Variants in TTC27 observed in about 807,000 individuals in gnomAD.
TTC27 encodes the protein tetratricopeptide repeat protein 27.
A neutral mutation model predicts 115.9 loss-of-function variants in TTC27; 79 were observed. That is an observed-to-expected ratio of 0.68 (90% CI 0.57 to 0.82). TTC27 has a LOEUF of 0.82. Among genes scored for constraint, TTC27 ranks in the 40% least tolerant of loss-of-function variants. The pLI is 0.00. For synonymous variants in TTC27, 401 were observed against 356.0 expected, an observed-to-expected ratio of 1.13 and a Z score of -1.42; for missense variants, 1,054 against 993.1, an observed-to-expected ratio of 1.06 and a Z score of -0.82.
intron 16 of TTC27, among the ~76,000 whole-genome samples, chr2:32,790,277 T>TGTG (rs1553320217): frequency 6.6e-6 from 1 of 151,644 alleles, no homozygotes; most frequent in African/African-American, 2.4e-5. Flanking sequence ...TAAATTTTTT[T>TGTG]TTTGTGTGTG....
chr2:32,778,037 A>G (rs1369787906), intron 14 of TTC27, 57 bp downstream of exon 14: 1 of 1,542,188 alleles, frequency 6.5e-7, no homozygotes, highest in Non-Finnish European at 9.0e-7. Flanking sequence ...AGTTGTTGAA[A>G]TTGTACTGTA....
chr2:32,718,809 C>A (rs1394001244), intron 10 of TTC27, among the ~76,000 whole-genome samples: 2 of 152,202 alleles, frequency 1.3e-5, no homozygotes, highest in African/African-American at 4.8e-5. Flanking sequence ...TCTAAATCTT[C>A]CCCTAAGGCT....
intron 4 of TTC27, among the ~76,000 whole-genome samples, chr2:32,641,508 G>A (rs561553334): frequency 2.6e-5 from 4 of 152,290 alleles, no homozygotes; most frequent in South Asian, 2.1e-4. Flanking sequence ...TGGACTATAC[G>A]GAAACCAGTA....
intron 13 of TTC27, among the ~76,000 whole-genome samples, chr2:32,777,541 C>T (rs1670037460): frequency 1.3e-5 from 2 of 152,152 alleles, no homozygotes; most frequent in Non-Finnish European, 2.9e-5. Flanking sequence ...AGAGATGCAA[C>T]CATCCAGTTT....
chr2:32,755,197 C>T (rs2147989874), intron 12 of TTC27, among the ~76,000 whole-genome samples: 1 of 152,298 alleles, frequency 6.6e-6, no homozygotes, highest in African/African-American at 2.4e-5. Context: ...CGGGCAGAGG[C>T]TGCAATCTCG....
chr2:32,732,371 C>T (rs185408660), intron 10 of TTC27, among the ~76,000 whole-genome samples: 54 of 152,318 alleles, frequency 3.5e-4, no homozygotes, highest in African/African-American at 1.3e-3. Context: ...GGATTGTCAA[C>T]GAAGTGTTGT....
chr2:32,710,171 G>C (rs199613686), intron 10 of TTC27, among the ~76,000 whole-genome samples: 1 of 151,618 alleles, frequency 6.6e-6, no homozygotes, highest in Non-Finnish European at 1.5e-5. Context: ...ATGCACCACC[G>C]ACTTAATTTT....
At chr2:32,668,017 C>G (rs1036210999) in intron 7 of TTC27, among the ~76,000 whole-genome samples, 2 of 151,120 alleles carry the variant, frequency 1.3e-5, no homozygotes, top group East Asian at 4.0e-4. Flanking sequence ...AACCCCGTCT[C>G]TATTAAAAAT....
chr2:32,820,458 G>C (rs547804759), intron 19 of TTC27, among the ~76,000 whole-genome samples: 4 of 152,282 alleles, frequency 2.6e-5, no homozygotes, highest in East Asian at 1.9e-4. Context: ...TTTGAACATA[G>C]AATATATTTG....
At chr2:32,798,520 G>A (rs1670795993) in intron 16 of TTC27, among the ~76,000 whole-genome samples, 1 of 151,774 alleles carries the variant, frequency 6.6e-6, no homozygotes, top group Admixed American at 6.6e-5. Flanking sequence ...TGGCTAACAC[G>A]GTGAAGCCCT....
At chr2:32,671,687 T>C (rs750933955) in intron 7 of TTC27, among the ~76,000 whole-genome samples, 2 of 152,246 alleles carry the variant, frequency 1.3e-5, no homozygotes, top group Non-Finnish European at 2.9e-5. Flanking sequence ...CATTTCCATA[T>C]AAATTTTAGA....
At chr2:32,722,232 A>G (rs181445824) in intron 10 of TTC27, among the ~76,000 whole-genome samples, 1 of 152,330 alleles carries the variant, frequency 6.6e-6, no homozygotes, top group Admixed American at 6.5e-5. Flanking sequence ...AGATTTTCAC[A>G]TATCTGAGAT....
intron 5 of TTC27, among the ~76,000 whole-genome samples, chr2:32,660,479 C>T (rs966794642): frequency 1.3e-5 from 2 of 151,936 alleles, no homozygotes; most frequent in African/African-American, 2.4e-5. Flanking sequence ...CCATCATTCT[C>T]AGCAAACTAA....
chr2:32,682,852 T>G (rs1323527927), intron 9 of TTC27, among the ~76,000 whole-genome samples: 1 of 110,208 alleles, frequency 9.1e-6, no homozygotes. Flanking sequence ...TTGTTGTTTT[T>G]TTTTTTTTTT....
At chr2:32,698,800 G>GA (rs1667087168) in intron 9 of TTC27, among the ~76,000 whole-genome samples, 1 of 152,026 alleles carries the variant, frequency 6.6e-6, no homozygotes, top group African/African-American at 2.4e-5. Flanking sequence ...TTGTCTTAAA[G>GA]AAAAAATATT....
At chr2:32,714,163 C>CTTTTTTTTTTTTTTT (rs1197993683) in intron 10 of TTC27, among the ~76,000 whole-genome samples, 1 of 140,846 alleles carries the variant, frequency 7.1e-6, no homozygotes, top group African/African-American at 2.6e-5. Context: ...GCCCCCCCGC[C>CTTTTTTTTTTTTTTT]TTTTTTTTTT....
At chr2:32,648,456 T>TG (rs1664953471) in intron 4 of TTC27, among the ~76,000 whole-genome samples, 1 of 146,718 alleles carries the variant, frequency 6.8e-6, no homozygotes, top group Non-Finnish European at 1.5e-5. Flanking sequence ...TTTTTTTTTT[T>TG]TAAAACAGAC....
chr2:32,782,260 T>C (rs1361164822), intron 14 of TTC27, among the ~76,000 whole-genome samples: 1 of 152,170 alleles, frequency 6.6e-6, no homozygotes, highest in African/African-American at 2.4e-5. Flanking sequence ...GACAGTATAA[T>C]GGCAAAAATT....
At position 32,758,441 on chromosome 2, in the gene TTC27, C is replaced by A; in HGVS notation, c.1602C>A (p.Ala534=). The A allele has an allele frequency of 5.6e-6, 9 of 1,614,106 alleles. No individual in the cohort carries two copies. Among genetic ancestry groups the A allele is most frequent in the Non-Finnish European group, 7.6e-6 (9 of 1,180,012 alleles). The change falls in exon 13 of 20, where the codon GCC becomes GCA. Residue 534 remains alanine, a synonymous_variant. Coordinates refer to ENST00000317907, the MANE Select transcript of TTC27 (RefSeq NM_017735.5). ...GTGCTCGTGCTCAGCGCTCCAAAGC[C>A]CTCCTTCATCTTCGGAACAAGGAGT... is the stretch of plus-strand genomic sequence containing the variant. ...YRSARAQRSK[A]LLHLRNKEFQ...
Sources: gnomAD v4.1 joint callset for allele counts (sites outside exome capture counted in the v4.1 genomes callset) on GRCh38, gnomAD v4.1.1 for gene constraint, MANE v1.5 for transcripts, NCBI Gene and HGNC (gene_info 2026-07-23, HGNC 2026-07-21) for gene names.